Variants in AHCY observed in about 807,000 individuals in gnomAD.
The protein encoded by AHCY is S-adenosyl-L-homocysteine hydrolase.
A neutral mutation model predicts 45.4 loss-of-function variants in AHCY; 24 were observed. That is an observed-to-expected ratio of 0.53 (90% CI 0.38 to 0.74). The LOEUF (loss-of-function observed/expected upper bound fraction) is 0.74, where lower values mean the gene tolerates loss of function less well. Ranked by LOEUF, AHCY falls within the 30% of genes least tolerant of loss-of-function variation. The pLI is 0.00. For synonymous variants in AHCY, 245 were observed against 235.1 expected (o/e 1.04, Z -0.39); for missense variants, 449 against 594.1 (o/e 0.76, Z 2.54).
chr20:34,284,980 C>T (rs1034268599), intron 9 of AHCY, among the ~76,000 whole-genome samples: 7 of 152,224 alleles, frequency 4.6e-5, no homozygotes, highest in Non-Finnish European at 1.0e-4. Flanking sequence ...ACCCCTTCAG[C>T]TCTTCCAGTC....
At chr20:34,258,688 T>TATATATATATAC in the AHCY span, among the ~76,000 whole-genome samples, 1 of 66,574 alleles carries the variant, frequency 1.5e-5, no homozygotes, top group Non-Finnish European at 2.3e-5. Context: ...TATATATATA[T>TATATATATATAC]ATACATACTA....
downstream of AHCY, among the ~76,000 whole-genome samples, chr20:34,278,264 A>C (rs1267739599): frequency 6.6e-6 from 1 of 152,242 alleles, no homozygotes; most frequent in African/African-American, 2.4e-5. Flanking sequence ...ACCTCCGAAC[A>C]GGAAAGGAAG....
chr20:34,245,958 TCTTTA>T, the AHCY span: 6 of 1,493,020 alleles, frequency 4.0e-6, no homozygotes, highest in East Asian at 2.4e-5. Flanking sequence ...CAAATTCACT[TCTTTA>T]CTTCTCCAAG....
chr20:34,256,378 G>T, the AHCY span, among the ~76,000 whole-genome samples: 2 of 152,244 alleles, frequency 1.3e-5, no homozygotes, highest in East Asian at 3.9e-4. Context: ...TCTTTGTCTT[G>T]TGTCTTTATT....
the AHCY span, among the ~76,000 whole-genome samples, chr20:34,261,392 C>T: frequency 2.6e-5 from 4 of 152,170 alleles, no homozygotes; most frequent in Non-Finnish European, 5.9e-5. Flanking sequence ...CCAGCACTTT[C>T]GTAGGCTGAG....
chr20:34,262,941 G>T, the AHCY span: 1 of 1,605,200 alleles, frequency 6.2e-7, no homozygotes, highest in Non-Finnish European at 8.5e-7. Context: ...GGTGAGACTG[G>T]ACTTAAAGAA....
Position 34,285,521 on chromosome 20 carries a change from G to A in AHCY, c.1086C>T (p.Phe362=). 6.2e-7 allele frequency: 1 copy of A among 1,614,176 alleles called. No homozygotes were observed. The highest frequency in any genetic ancestry group is 8.5e-7 in the Non-Finnish European group (1 of 1,180,010). Residue 362 remains phenylalanine, a synonymous_variant, in exon 9 of 10, where the codon TTC becomes TTT. Transcript: ENST00000217426. ...GHPSFVMSNS[F]TNQVMAQIEL... is the part of the protein sequence containing the mutation. The stretch of plus-strand genomic sequence containing the variant: ...CGATCTGCGCCATCACCTGGTTGGT[G>A]AAGGAGTTACTCATCACGAAGCTGG...
the AHCY span, chr20:34,269,028 C>G: frequency 6.2e-7 from 1 of 1,607,960 alleles, no homozygotes; most frequent in African/African-American, 1.3e-5. Context: ...CGGCCCCGGA[C>G]CCCCCTATCT....
chr20:34,235,477 G>A, the AHCY span, among the ~76,000 whole-genome samples: 1 of 151,676 alleles, frequency 6.6e-6, no homozygotes, highest in Non-Finnish European at 1.5e-5. Context: ...TTCACTGAAG[G>A]CAATGAGACT....
At chr20:34,284,806 G>A (rs2036117589) in intron 9 of AHCY, among the ~76,000 whole-genome samples, 1 of 152,182 alleles carries the variant, frequency 6.6e-6, no homozygotes, top group African/African-American at 2.4e-5. Flanking sequence ...CTGGGCAACA[G>A]AGTGAGACTC....
chr20:34,298,970 C>G (rs819152), intron 1 of AHCY, among the ~76,000 whole-genome samples: 109,505 of 151,988 alleles, frequency 0.72, 43,992 homozygotes, highest in Non-Finnish European at 0.89. Context: ...CTTACCTATC[C>G]TTGGAGGTGA....
chr20:34,281,249 T>A, intron 9 of AHCY, 84 bp from the exon 10 acceptor site: 1 of 1,581,862 alleles, frequency 6.3e-7, no homozygotes. Context: ...GAGGCAGAAG[T>A]GTTCTGTTAG....
At chr20:34,298,609 A>AGGGGGGGGGGGGGGGGG (rs35505406) in intron 1 of AHCY, among the ~76,000 whole-genome samples, 50 of 83,088 alleles carry the variant, frequency 6.0e-4, no homozygotes, top group African/African-American at 9.6e-4. Flanking sequence ...CGGCGGCGGG[A>AGGGGGGGGGGGGGGGGG]GGGGGGGGGG....
downstream of AHCY, among the ~76,000 whole-genome samples, chr20:34,277,859 C>T (rs761628651): frequency 2.6e-4 from 39 of 151,852 alleles, no homozygotes; most frequent in African/African-American, 3.6e-4. Flanking sequence ...TCTGTCCCTG[C>T]GGGGAACACA....
chr20:34,246,077 G>A, the AHCY span: 3 of 873,042 alleles, frequency 3.4e-6, no homozygotes, highest in South Asian at 2.8e-5. Flanking sequence ...CCATTACTGA[G>A]GCAGCACAGG....
the AHCY span, among the ~76,000 whole-genome samples, chr20:34,261,795 G>T: frequency 6.6e-6 from 1 of 151,768 alleles, no homozygotes; most frequent in African/African-American, 2.4e-5. Flanking sequence ...GACAGACCCT[G>T]ACTCAAAAAA....
Position 34,290,261 on chromosome 20 carries a change from T to C in AHCY, c.972+71A>G. On this transcript the variant is annotated intron_variant, in intron 8 of 9. Transcript: ENST00000217426. The surrounding 1 kb of genome is among the most constrained non-coding windows in gnomAD (Gnocchi z 4.5). ...CAGGTTGCCACCATCTCCTCAGCTC[T>C]CCTCCCTGGCAGCCAGCACTCCTCT... 1 of 1,464,112 alleles carries C rather than the reference T, an allele frequency of 6.8e-7. No homozygotes were observed. The highest frequency in any genetic ancestry group is 9.5e-7 in the Non-Finnish European group (1 of 1,049,976). 90.7% of individuals were successfully genotyped at this position (1,464,112 alleles called of 1,614,324 possible). A position where few individuals can be genotyped will look rare whatever the true frequency, so the allele number is the denominator to read the frequency against.
At chr20:34,309,280 A>G (rs904446057) in intron 1 of AHCY, among the ~76,000 whole-genome samples, 1 of 152,078 alleles carries the variant, frequency 6.6e-6, no homozygotes, top group African/African-American at 2.4e-5. Context: ...ATTTCTATCT[A>G]TTAGTTTTTG....
chr20:34,293,072 G>A (rs189764486), intron 3 of AHCY, among the ~76,000 whole-genome samples: 5 of 152,222 alleles, frequency 3.3e-5, no homozygotes, highest in Admixed American at 3.3e-4. Flanking sequence ...ACCATGTGTG[G>A]GGTACTTGCT....
Sources: gnomAD v4.1 joint callset for allele counts (sites outside exome capture counted in the v4.1 genomes callset) on GRCh38, gnomAD v4.1.1 for gene constraint, Gnocchi (gnomAD v3.1) non-coding constraint, MANE v1.5 for transcripts, NCBI Gene and HGNC (gene_info 2026-07-23, HGNC 2026-07-21) for gene names.